The following CADPS variants were observed in gnomAD, a reference collection of about 807,000 sequenced individuals.
CADPS encodes the protein calcium-dependent secretion activator 1.
In CADPS, 57 loss-of-function variants were observed where a neutral mutation model predicts 167.3. That is an observed-to-expected ratio of 0.34 (90% CI 0.28 to 0.42). The LOEUF is 0.42. CADPS is among the 20% of genes least tolerant of loss of function. The pLI is 1.00. For synonymous variants in CADPS, 676 were observed against 635.3 expected (o/e 1.06, Z -0.96); for missense variants, 1,414 against 1,738.1 (o/e 0.81, Z 3.32).
chr3:62,604,127 G>A (rs1219567497), intron 6 of CADPS, among the ~76,000 whole-genome samples: 2 of 152,074 alleles, frequency 1.3e-5, no homozygotes, highest in African/African-American at 4.8e-5. Flanking sequence ...ACCTCACCCG[G>A]CCTGCTATAC....
intron 1 of CADPS, among the ~76,000 whole-genome samples, chr3:62,856,006 T>C (rs2079611424): frequency 6.6e-6 from 1 of 152,208 alleles, no homozygotes; most frequent in Non-Finnish European, 1.5e-5. Flanking sequence ...TTCTTTGTTT[T>C]CACAATAATA....
intron 3 of CADPS, among the ~76,000 whole-genome samples, chr3:62,691,621 C>T (rs974074819): frequency 5.3e-5 from 8 of 152,024 alleles, no homozygotes; most frequent in Admixed American, 3.9e-4. Context: ...TAGATCATGT[C>T]ATTTGCAGGG....
intron 3 of CADPS, among the ~76,000 whole-genome samples, chr3:62,664,531 T>C (rs1417234434): frequency 1.3e-5 from 2 of 152,234 alleles, no homozygotes; most frequent in Non-Finnish European, 2.9e-5. Flanking sequence ...GCTGCTTTTC[T>C]TTTTATTCCC....
At chr3:62,633,786 C>A (rs149653131) in intron 6 of CADPS, among the ~76,000 whole-genome samples, 38 of 152,196 alleles carry the variant, frequency 2.5e-4, no homozygotes, top group African/African-American at 7.2e-4. Context: ...GCTAAATGGG[C>A]TGAGGATTAA....
chr3:62,692,158 AGTTT>A lies in CADPS; in HGVS notation c.889-29768_889-29765del, dbSNP rs1349414069. 2.6e-5 allele frequency among the ~76,000 whole-genome samples: 4 copies of A among 152,018 alleles called. No homozygotes were observed. In the East Asian group the frequency reaches 5.8e-4, roughly 22 times the overall value. ...CTGGTCAACATCTGAACTGCCTTGGAGTTTGTTTAAAAAAATATATCTATATACA... is the reference window on the plus strand; with the variant it reads ...CTGGTCAACATCTGAACTGCCTTGGAGTTTAAAAAAATATATCTATATACA... On this transcript the variant is annotated intron_variant, in intron 3 of 29. Coordinates refer to ENST00000383710, the MANE Select transcript of CADPS (RefSeq NM_003716.4).
intron 28 of CADPS, among the ~76,000 whole-genome samples, chr3:62,407,810 T>C (rs544164692): frequency 2.7e-4 from 41 of 152,338 alleles, no homozygotes; most frequent in Admixed American, 2.7e-3. Flanking sequence ...CTTGGCTCAC[T>C]GCAACCTCTG....
chr3:62,612,156 A>G (rs1316825470), intron 6 of CADPS, among the ~76,000 whole-genome samples: 1 of 152,200 alleles, frequency 6.6e-6, no homozygotes, highest in Non-Finnish European at 1.5e-5. Context: ...CCAAATGGGA[A>G]TCTCTTCTTT....
chr3:62,807,143 G>A (rs1387242759), intron 1 of CADPS, among the ~76,000 whole-genome samples: 2 of 152,132 alleles, frequency 1.3e-5, no homozygotes, highest in African/African-American at 2.4e-5. Context: ...TGCCACAAAT[G>A]TCTAAATGTC....
At chr3:62,529,613 G>A (rs769515417) in intron 13 of CADPS, among the ~76,000 whole-genome samples, 11 of 152,180 alleles carry the variant, frequency 7.2e-5, no homozygotes, top group Non-Finnish European at 1.5e-4. Flanking sequence ...ACATATTGCG[G>A]TGAAGGAGAT....
At chr3:62,830,907 A>C (rs1027981754) in intron 1 of CADPS, among the ~76,000 whole-genome samples, 1 of 152,162 alleles carries the variant, frequency 6.6e-6, no homozygotes, top group African/African-American at 2.4e-5. Flanking sequence ...CAAATTGTGG[A>C]CTTTGCCAAC....
chr3:62,637,140 C>T (rs113120184), intron 6 of CADPS, among the ~76,000 whole-genome samples: 4,991 of 152,238 alleles, frequency 0.033, 114 homozygotes, highest in Middle Eastern at 0.065. Context: ...CAGCCCTTAA[C>T]ATAGATCAGA....
intron 28 of CADPS, among the ~76,000 whole-genome samples, chr3:62,405,692 C>G (rs1473436320): frequency 6.6e-6 from 1 of 152,178 alleles, no homozygotes; most frequent in Non-Finnish European, 1.5e-5. Context: ...CTGGAACATC[C>G]ATGCTTTCCT....
intron 27 of CADPS, among the ~76,000 whole-genome samples, chr3:62,442,992 T>G (rs1313339058): frequency 6.6e-6 from 1 of 152,242 alleles, no homozygotes; most frequent in Admixed American, 6.5e-5. Flanking sequence ...ACTATAATAT[T>G]ATTAGCTATT....
At chr3:62,513,528 G>A in intron 16 of CADPS, 1 of 698,668 alleles carries the variant, frequency 1.4e-6, no homozygotes, top group Non-Finnish European at 2.5e-6. Context: ...ACAAGCCAAT[G>A]CTAAAAAACT....
chr3:62,792,230 C>T (rs1321069279), intron 1 of CADPS, among the ~76,000 whole-genome samples: 7 of 149,786 alleles, frequency 4.7e-5, no homozygotes, highest in Non-Finnish European at 3.0e-5. Context: ...TAGGGTCTTG[C>T]TCTGTTGCCC....
intron 6 of CADPS, among the ~76,000 whole-genome samples, chr3:62,611,820 A>C (rs1433377458): frequency 2.0e-5 from 3 of 152,206 alleles, no homozygotes; most frequent in South Asian, 2.1e-4. Flanking sequence ...TACTTTACGC[A>C]GGATGATCTA....
chr3:62,532,196 C>G (rs1186178083), intron 13 of CADPS, among the ~76,000 whole-genome samples: 1 of 152,214 alleles, frequency 6.6e-6, no homozygotes, highest in Admixed American at 6.5e-5. Flanking sequence ...TAGTTCTCAG[C>G]TCCAGCATCA....
chr3:62,541,613 A>C (rs369331814), intron 11 of CADPS, among the ~76,000 whole-genome samples: 1 of 152,146 alleles, frequency 6.6e-6, no homozygotes, highest in South Asian at 2.1e-4. Context: ...CTTGACATTT[A>C]AGGAATGTTG....
rs755241221 is a variant in CADPS at position 62,481,731 on chromosome 3, A to G, written c.3165T>C (p.Tyr1055=). The G allele has an allele frequency of 5.0e-6, 8 of 1,601,796 alleles. No homozygotes were observed. In the Admixed American group the frequency reaches 8.9e-5, roughly 18 times the overall value. ...GTGAACTGAATACACACTCCGCATCATATATAGCAGCCATCCATGACGGTG... is the reference window on the plus strand; with the variant it reads ...GTGAACTGAATACACACTCCGCATCGTATATAGCAGCCATCCATGACGGTG... ...FSAPSWMAAI[Y]DADNGSGTSE... The change falls in exon 22 of 30, where the codon TAT becomes TAC. Residue 1055 remains tyrosine, a synonymous_variant. Transcript: ENST00000383710.
Sources: allele counts gnomAD v4.1 joint callset (sites outside exome capture counted in the v4.1 genomes callset), GRCh38; gene constraint gnomAD v4.1.1; transcripts MANE v1.5; gene names NCBI Gene and HGNC (gene_info 2026-07-23, HGNC 2026-07-21).